The following TMEM134 variants were observed in gnomAD, a reference collection of about 807,000 sequenced individuals.
TMEM134 encodes transmembrane protein 134.
Under a neutral mutation model 26.2 loss-of-function variants are expected in TMEM134, and 36 were observed. The ratio of observed to expected loss-of-function variants is 1.37; its 90% CI spans 1.05 to 1.81. The LOEUF is 1.81. TMEM134 is among the 40% of genes most tolerant of loss of function. The pLI is 0.00. For missense variants in TMEM134, 339 were observed against 263.5 expected, an observed-to-expected ratio of 1.29 and a Z score of -1.98; for synonymous variants, 133 against 113.6, an observed-to-expected ratio of 1.17 and a Z score of -1.08.
At position 67,464,437 on chromosome 11, in the gene TMEM134, A is replaced by G; in HGVS notation, c.*177T>C. 10 of 645,816 alleles carry G rather than the reference A, an allele frequency of 1.5e-5. 1 individual carries two copies. In the South Asian group the frequency reaches 1.7e-4, roughly 11 times the overall value. 40.0% of individuals were successfully genotyped at this position (645,816 alleles called of 1,614,324 possible). On this transcript the variant is annotated 3_prime_UTR_variant, in exon 7 of 7. Transcript: ENST00000308022. ...GGCCCGAGAATAAGTTAAGGCACAG[A>G]GCAGGCGACGGGCGGCTTTCCCAGG...
chr11:67,466,989 G>A (rs763481467), intron 4 of TMEM134: 24 of 397,830 alleles, frequency 6.0e-5, no homozygotes, highest in Non-Finnish European at 1.0e-4. Context: ...CCTGCACCTT[G>A]CCCAGAGTAG....
chr11:67,467,506 G>T lies in TMEM134; in HGVS notation c.324C>A (p.Cys108Ter). The T allele has an allele frequency of 6.2e-7, 1 of 1,614,012 alleles. No individual in the cohort carries two copies. The highest frequency in any genetic ancestry group is 8.5e-7 in the Non-Finnish European group (1 of 1,180,014). The stretch of plus-strand genomic sequence containing the variant: ...GCTTAGGCGGGCAGGCTCACCTGCA[G>T]CAGGTGTTGTAGGAGCGCTGGGTGC... ...SSSTQRSYNT[C>*]CSWTQHPLIQ... Residue 108 changes from cysteine (C) to a stop codon, truncating the protein, a stop_gained, in exon 3 of 7, where the codon TGC becomes TGA. Transcript: ENST00000308022. LOFTEE classifies it high-confidence loss of function.
intron 1 of TMEM134, among the ~76,000 whole-genome samples, 158 bp downstream of exon 1, chr11:67,468,861 G>A (rs1462383558): frequency 6.6e-6 from 1 of 152,196 alleles, no homozygotes; most frequent in Non-Finnish European, 1.5e-5. Flanking sequence ...GGCCTGGGCA[G>A]GGCTCTGGAT....
In TMEM134 at chr11:67,462,044, G is replaced by GC. The variant is rs1235231874; in HGVS notation, c.*2569dup. On this transcript the variant is annotated 3_prime_UTR_variant, in exon 7 of 7. Coordinates refer to ENST00000308022, the MANE Select transcript of TMEM134 (RefSeq NM_025124.4). ...AGATTAGCTGGGCATGGTGGCATGT[G>GC]CCTGTAGTCGCAGCTACTGAGAAGG... is the stretch of plus-strand genomic sequence containing the variant. The GC allele has an allele frequency of 6.6e-6, 1 of 151,910 alleles. No homozygotes were observed. Among genetic ancestry groups the GC allele is most frequent in the African/African-American group, 2.4e-5 (1 of 41,380 alleles). 9.4% of individuals were successfully genotyped at this position (151,910 alleles called of 1,614,324 possible). A position where few individuals can be genotyped will look rare whatever the true frequency, so the allele number is the denominator to read the frequency against.
In TMEM134 at chr11:67,464,670, C is replaced by G. The variant is rs1249714101; in HGVS notation, c.532G>C (p.Ala178Pro). ...GVYHVIFIYC[A>P]VKGHRGFQFF... is the part of the protein sequence containing the mutation. ...TGGAAGCCCCGGTGGCCCTTGACCG[C>G]GCAGTAGATGAAGATCACGTGATAG... Residue 178 changes from alanine (A) to proline (P), a missense_variant, in exon 7 of 7, where the codon GCG (alanine) becomes CCG (proline). Coordinates refer to ENST00000308022, the MANE Select transcript of TMEM134 (RefSeq NM_025124.4). 1.3e-6 allele frequency: 2 copies of G among 1,553,970 alleles called. No individual in the cohort carries two copies. Among genetic ancestry groups the G allele is most frequent in the Non-Finnish European group, 1.7e-6 (2 of 1,148,148 alleles).
chr11:67,467,072 G>A, intron 4 of TMEM134: 7 of 584,538 alleles, frequency 1.2e-5, no homozygotes, highest in Non-Finnish European at 2.1e-5. Context: ...TTTAAAAAAG[G>A]AAAAGTCTTT....
chr11:67,463,297 C>T lies in TMEM134; in HGVS notation c.*1317G>A, dbSNP rs1718992900. ...AGATAGACAGTACGGGCAGGTGCAC[C>T]AACAGGGCCTCCCAACCCTTGCTCA... is the stretch of plus-strand genomic sequence containing the variant. On this transcript the variant is annotated 3_prime_UTR_variant, in exon 7 of 7. Coordinates refer to ENST00000308022, the MANE Select transcript of TMEM134 (RefSeq NM_025124.4). 6.6e-6 allele frequency: 1 copy of T among 152,208 alleles called. No individual in the cohort carries two copies. The highest frequency in any genetic ancestry group is 2.4e-5 in the African/African-American group (1 of 41,412). 9.4% of individuals were successfully genotyped at this position (152,208 alleles called of 1,614,324 possible). A position where few individuals can be genotyped will look rare whatever the true frequency, so the allele number is the denominator to read the frequency against.
intron 5 of TMEM134, 54 bp downstream of exon 5, chr11:67,465,002 C>T (rs1307172514): frequency 3.6e-5 from 54 of 1,497,312 alleles, no homozygotes; most frequent in Admixed American, 1.1e-4. Context: ...GCCGTGGACC[C>T]GTGGACACAA....
chr11:67,464,906 G>A (rs745555359), intron 5 of TMEM134, 50 bp from the exon 6 acceptor site: 1 of 1,598,544 alleles, frequency 6.3e-7, no homozygotes, highest in Non-Finnish European at 8.5e-7. Context: ...GAGGCTTCGA[G>A]GCCTTCCGGG....
rs560118543 is a variant in TMEM134, at chr11:67,464,829, G to C, written c.479C>G (p.Pro160Arg). The stretch of plus-strand genomic sequence containing the variant: ...TCCAGGCACCAACAACAGGAAGCCC[G>C]GCACGAAGAAGATGGCGCTGGAGAC... ...PGVSSAIFFVPGFLLLVPGVY... is the reference protein window; with the variant it reads ...PGVSSAIFFVRGFLLLVPGVY... Residue 160 changes from proline (P) to arginine (R), a missense_variant, in exon 6 of 7, where the codon CCG (proline) becomes CGG (arginine). Coordinates refer to ENST00000308022, the MANE Select transcript of TMEM134 (RefSeq NM_025124.4). The C allele has an allele frequency of 6.8e-6, 11 of 1,610,310 alleles. No individual in the cohort carries two copies. The East Asian group carries it at 2.2e-4, about 33-fold the overall frequency.
intron 2 of TMEM134, 171 bp downstream of exon 2, chr11:67,467,857 G>A (rs1865372449): frequency 1.3e-5 from 9 of 697,668 alleles, no homozygotes; most frequent in Middle Eastern, 3.9e-4. Flanking sequence ...GGGCACTAGG[G>A]TAGGGTGACC....
At chr11:67,465,417 C>T in intron 4 of TMEM134, 1 of 391,472 alleles carries the variant, frequency 2.6e-6, no homozygotes, top group South Asian at 2.9e-5. Flanking sequence ...CATGGCCCGT[C>T]CTTAGTGGAG....
rs767470312 is a variant in TMEM134, at chr11:67,467,583, T to C, written c.247A>G (p.Ser83Gly). 1.2e-6 allele frequency: 2 copies of C among 1,613,954 alleles called. No individual in the cohort carries two copies. The highest frequency in any genetic ancestry group is 2.2e-5 in the East Asian group (1 of 44,876). ...PDGGVGTRDS[S>G]RTSIRSSQWS... Reference sequence around the variant, plus strand: ...TGGGAGCTGCGGATGGAAGTTCGGCTGGAATCCCTGCCAGGACAGGCGCCC... The same window carrying C: ...TGGGAGCTGCGGATGGAAGTTCGGCCGGAATCCCTGCCAGGACAGGCGCCC... The change falls in exon 3 of 7, where the codon AGC becomes GGC. Residue 83 changes from serine to glycine, a missense_variant. Ser to Gly is a moderately conservative substitution (Grantham distance 56). Transcript: ENST00000308022.
intron 4 of TMEM134, 151 bp downstream of exon 4, chr11:67,467,161 T>C: frequency 1.5e-6 from 1 of 682,538 alleles, no homozygotes; most frequent in South Asian, 1.8e-5. Flanking sequence ...CTCTGTCTCC[T>C]CACCTGTAAA....
chr11:67,467,827 T>C, intron 2 of TMEM134: 1 of 657,400 alleles, frequency 1.5e-6, no homozygotes, highest in East Asian at 2.7e-5. Context: ...TGGGGGTTTC[T>C]GAAAGAGGTG....
rs1046714875 is a variant in TMEM134 at position 67,464,675 on chromosome 11, T to C, written c.527A>G (p.Tyr176Cys). Reference protein sequence around the residue: ...VPGVYHVIFIYCAVKGHRGFQ... With the variant: ...VPGVYHVIFICCAVKGHRGFQ... ...GCCCCGGTGGCCCTTGACCGCGCAG[T>C]AGATGAAGATCACGTGATAGACTGC... is the stretch of plus-strand genomic sequence containing the variant. Residue 176 changes from tyrosine (Y) to cysteine (C), a missense_variant, in exon 7 of 7, where the codon TAC becomes TGC. Coordinates refer to ENST00000308022, the MANE Select transcript of TMEM134 (RefSeq NM_025124.4). 2 of 1,553,508 alleles carry C rather than the reference T, an allele frequency of 1.3e-6. No homozygotes were observed. The highest frequency in any genetic ancestry group is 2.7e-5 in the African/African-American group (2 of 73,190).
Position 67,464,374 on chromosome 11 carries a change from T to C in TMEM134, c.*240A>G, listed in dbSNP as rs1380285181. 3 of 590,916 alleles carry C rather than the reference T, an allele frequency of 5.1e-6. No individual in the cohort carries two copies. 36.6% of individuals were successfully genotyped at this position (590,916 alleles called of 1,614,324 possible). A position where few individuals can be genotyped will look rare whatever the true frequency, so the allele number is the denominator to read the frequency against. On this transcript the variant is annotated 3_prime_UTR_variant, in exon 7 of 7. Transcript: ENST00000308022. ...TGCCTCTGGTGGAATTAATTACTCTTTTATTAGCACAAAATAACAGCAACC... is the reference window on the plus strand; with the variant it reads ...TGCCTCTGGTGGAATTAATTACTCTCTTATTAGCACAAAATAACAGCAACC...
In TMEM134 at chr11:67,467,530, G is replaced by A. The variant is rs1337609188; in HGVS notation, c.300C>T (p.Ser100=). Residue 100 remains serine (S), a synonymous_variant, in exon 3 of 7, where the codon AGC becomes AGT. Coordinates refer to ENST00000308022, the MANE Select transcript of TMEM134 (RefSeq NM_025124.4). Reference sequence around the variant, plus strand: ...AGCAGGTGTTGTAGGAGCGCTGGGTGCTGCTGCTGATGGTGCTGAAGGACC... The same window carrying A: ...AGCAGGTGTTGTAGGAGCGCTGGGTACTGCTGCTGATGGTGCTGAAGGACC... The part of the protein sequence containing the change: ...SQWSFSTISS[S]TQRSYNTCCS... The A allele has an allele frequency of 6.2e-7, 1 of 1,614,078 alleles. No homozygotes were observed. Among genetic ancestry groups the A allele is most frequent in the South Asian group, 1.1e-5 (1 of 91,084 alleles).
intron 4 of TMEM134, chr11:67,465,415 G>A (rs1307644186): frequency 1.0e-5 from 4 of 396,268 alleles, no homozygotes; most frequent in Non-Finnish European, 1.7e-5. Context: ...CTCATGGCCC[G>A]TCCTTAGTGG....
Sources: gnomAD v4.1 joint callset for allele counts (sites outside exome capture counted in the v4.1 genomes callset) on GRCh38, gnomAD v4.1.1 for gene constraint, MANE v1.5 for transcripts, NCBI Gene and HGNC (gene_info 2026-07-23, HGNC 2026-07-21) for gene names.